The following SNX4 variants were observed in gnomAD, a reference collection of about 807,000 sequenced individuals.
SNX4 encodes sorting nexin 4.
SNX4 carries 49 observed loss-of-function variants against 70.8 expected under a neutral mutation model. The observed-to-expected ratio is 0.69, with a 90% confidence interval of 0.55 to 0.88. The LOEUF is 0.88. Ranked by LOEUF, SNX4 falls within the 40% of genes least tolerant of loss-of-function variation. The pLI is 0.00. For missense variants in SNX4, 528 were observed against 544.8 expected, an observed-to-expected ratio of 0.97 and a Z score of 0.31; for synonymous variants, 206 against 183.8, an observed-to-expected ratio of 1.12 and a Z score of -0.98.
At chr3:125,469,240 T>C (rs1490659762) in intron 9 of SNX4, among the ~76,000 whole-genome samples, 1 of 152,252 alleles carries the variant, frequency 6.6e-6, no homozygotes, top group African/African-American at 2.4e-5. Flanking sequence ...ATACCTTCAA[T>C]GTTTTCATCT....
rs869287911 is a variant in SNX4, at chr3:125,497,079, T to TAA, written c.597+260_597+261dup. Among the ~76,000 whole-genome samples, 877 of 124,064 alleles carry TAA rather than the reference T, an allele frequency of 7.1e-3. 11 individuals carry two copies. The highest frequency in any genetic ancestry group is 0.035 in the Middle Eastern group (8 of 230). The allele number at this position is 124,064 out of a possible 152,430, so 81.4% of individuals were successfully genotyped here. ...CTGCTTCATTACTATAAACACTAAC[T>TAA]AAAAAAAAAAAAAAAAAATTCACTG... On this transcript the variant is annotated intron_variant, in intron 5 of 13. Coordinates refer to ENST00000251775, the MANE Select transcript of SNX4 (RefSeq NM_003794.4).
chr3:125,458,795 A>C (rs1466326483), intron 10 of SNX4, among the ~76,000 whole-genome samples: 2 of 113,804 alleles, frequency 1.8e-5, no homozygotes, highest in African/African-American at 6.6e-5. Context: ...AGCCTGGGTG[A>C]AAGAGCGAGA....
intron 1 of SNX4, among the ~76,000 whole-genome samples, chr3:125,512,191 ATTGG>A (rs1480158212): frequency 6.6e-6 from 1 of 152,220 alleles, no homozygotes; most frequent in East Asian, 1.9e-4. Context: ...TGAAGCCCTC[ATTGG>A]TTGACACATA....
chr3:125,474,112 T>C (rs1276319317), intron 8 of SNX4, among the ~76,000 whole-genome samples: 1 of 152,140 alleles, frequency 6.6e-6, no homozygotes, highest in African/African-American at 2.4e-5. Context: ...AAATTAAATC[T>C]TGGTATTCTT....
chr3:125,453,230 C>T (rs1023700922), intron 12 of SNX4, among the ~76,000 whole-genome samples: 3 of 152,096 alleles, frequency 2.0e-5, no homozygotes, highest in African/African-American at 7.2e-5. Context: ...ACAGAACAAT[C>T]AATCATCTAA....
chr3:125,475,602 T>G (rs1934273277), intron 8 of SNX4, among the ~76,000 whole-genome samples: 1 of 152,170 alleles, frequency 6.6e-6, no homozygotes, highest in African/African-American at 2.4e-5. Context: ...TGACTTCAGG[T>G]GATCCACCCG....
At chr3:125,498,318 T>A (rs1934855600) in intron 2 of SNX4, 124 bp from the exon 3 acceptor site, 1 of 955,084 alleles carries the variant, frequency 1.0e-6, no homozygotes, top group Non-Finnish European at 1.5e-6. Context: ...AAAGAACTTT[T>A]CATACATTTT....
intron 8 of SNX4, among the ~76,000 whole-genome samples, chr3:125,471,174 G>A (rs1414719079): frequency 6.6e-6 from 1 of 151,640 alleles, no homozygotes; most frequent in African/African-American, 2.4e-5. Flanking sequence ...GAGAAACCCT[G>A]TCTCTACTAA....
intron 5 of SNX4, among the ~76,000 whole-genome samples, chr3:125,495,797 T>C (rs970523258): frequency 1.1e-4 from 16 of 152,188 alleles, no homozygotes; most frequent in African/African-American, 3.4e-4. Context: ...TAAAGAGAAT[T>C]CACTAAAATG....
At chr3:125,507,386 G>A (rs1416817491) in intron 1 of SNX4, among the ~76,000 whole-genome samples, 1 of 152,000 alleles carries the variant, frequency 6.6e-6, no homozygotes, top group East Asian at 1.9e-4. Flanking sequence ...AAAGTAAACA[G>A]AGCTTAAGGG....
At chr3:125,448,843 T>C (rs1393942137) in intron 13 of SNX4, among the ~76,000 whole-genome samples, 1 of 151,636 alleles carries the variant, frequency 6.6e-6, no homozygotes, top group Non-Finnish European at 1.5e-5. Context: ...GCCCAGCTAA[T>C]TTTTTGTATT....
Position 125,453,907 on chromosome 3 carries a change from G to C in SNX4, c.1093C>G (p.Gln365Glu), listed in dbSNP as rs1331979955. 1 of 1,613,860 alleles carries C rather than the reference G, an allele frequency of 6.2e-7. No homozygotes were observed. Among genetic ancestry groups the C allele is most frequent in the South Asian group, 1.1e-5 (1 of 91,048 alleles). Residue 365 changes from glutamine to glutamate, a missense_variant, in exon 12 of 14, where the codon CAA becomes GAA. By Grantham distance (29) the Gln-to-Glu change is conservative. Transcript: ENST00000251775. The part of the protein sequence containing the change: ...LKGMTTKLFG[Q>E]ETPEQREARI... Reference sequence around the variant, plus strand: ...GCTTCTCTCTGCTCTGGAGTTTCTTGACCAAAGAGCTTGGTAGTCATTCCC... The same window carrying C: ...GCTTCTCTCTGCTCTGGAGTTTCTTCACCAAAGAGCTTGGTAGTCATTCCC...
rs535917042 is a variant in SNX4, at chr3:125,493,932, G to A, written c.597+3409C>T. On this transcript the variant is annotated intron_variant, in intron 5 of 13. Coordinates refer to ENST00000251775, the MANE Select transcript of SNX4 (RefSeq NM_003794.4). ...AGCGCCTGTAGTCCCAGCTACTCAGGAGGCTGAGGCAGGAGAATGGCGTGA... is the reference window on the plus strand; with the variant it reads ...AGCGCCTGTAGTCCCAGCTACTCAGAAGGCTGAGGCAGGAGAATGGCGTGA... Among the ~76,000 whole-genome samples, 384 of 151,946 alleles carry A rather than the reference G, an allele frequency of 2.5e-3. 3 individuals are homozygous for A. The highest frequency in any genetic ancestry group is 9.0e-3 in the African/African-American group (371 of 41,440).
chr3:125,451,470 T>A, intron 12 of SNX4, 51 bp from the exon 13 acceptor site: 1 of 1,354,446 alleles, frequency 7.4e-7, no homozygotes, highest in Non-Finnish European at 1.1e-6. Flanking sequence ...ATAAACTGTG[T>A]ACTAAAAAGT....
intron 8 of SNX4, among the ~76,000 whole-genome samples, chr3:125,471,708 T>C (rs1408153598): frequency 6.6e-6 from 1 of 152,212 alleles, no homozygotes; most frequent in Non-Finnish European, 1.5e-5. Flanking sequence ...TAGTTACTGG[T>C]ACTTAAAACT....
At chr3:125,453,010 G>A (rs191146154) in intron 12 of SNX4, among the ~76,000 whole-genome samples, 1 of 152,000 alleles carries the variant, frequency 6.6e-6, no homozygotes, top group African/African-American at 2.4e-5. Flanking sequence ...ATACACTCTT[G>A]GTCTGCCTTG....
intron 7 of SNX4, 48 bp from the exon 8 acceptor site, chr3:125,476,804 C>CCTG: frequency 8.6e-7 from 1 of 1,157,384 alleles, no homozygotes; most frequent in Non-Finnish European, 1.3e-6. Context: ...AAGTTATATC[C>CCTG]TCATCTAAAA....
At chr3:125,480,181 C>T in intron 7 of SNX4, 66 bp downstream of exon 7, 1 of 1,003,470 alleles carries the variant, frequency 1.0e-6, no homozygotes, top group Non-Finnish European at 1.4e-6. Context: ...TACTTGAAAA[C>T]AGAATGATTA....
chr3:125,452,262 T>C (rs565157978), intron 12 of SNX4, among the ~76,000 whole-genome samples: 2 of 150,632 alleles, frequency 1.3e-5, no homozygotes, highest in East Asian at 4.0e-4. Context: ...ACTCGGCTAA[T>C]TTTTTGTATT....
Sources: allele counts gnomAD v4.1 joint callset (sites outside exome capture counted in the v4.1 genomes callset), GRCh38; gene constraint gnomAD v4.1.1; transcripts MANE v1.5; gene names NCBI Gene and HGNC (gene_info 2026-07-23, HGNC 2026-07-21).